Variants in SEMA3E observed in about 807,000 individuals in gnomAD.
The protein encoded by SEMA3E is semaphorin-3E.
SEMA3E carries 49 observed loss-of-function variants against 93.6 expected under a neutral mutation model. That is an observed-to-expected ratio of 0.52 (90% CI 0.42 to 0.66). SEMA3E has a LOEUF of 0.66. Ranked by LOEUF, SEMA3E falls within the 30% of genes least tolerant of loss-of-function variation. The probability of loss-of-function intolerance (pLI) is 0.00; values close to 1 mark genes in which losing one functional copy is unlikely to be tolerated. For synonymous variants in SEMA3E, 363 were observed against 330.7 expected (o/e 1.10, Z -1.06); for missense variants, 906 against 964.8 (o/e 0.94, Z 0.81).
chr7:83,503,594 C>T (rs1790638993), intron 1 of SEMA3E, among the ~76,000 whole-genome samples: 1 of 152,056 alleles, frequency 6.6e-6, no homozygotes, highest in African/African-American at 2.4e-5. Flanking sequence ...ATGGAGTGTA[C>T]TTACACCAAC....
chr7:83,383,469 A>G (rs1787820478), intron 16 of SEMA3E, among the ~76,000 whole-genome samples: 1 of 151,906 alleles, frequency 6.6e-6, no homozygotes, highest in African/African-American at 2.4e-5. Context: ...TAAAGTCAGA[A>G]TTTTGTGTTT....
Position 83,408,503 on chromosome 7 carries a change from A to T in SEMA3E, c.551-16T>A, listed in dbSNP as rs1354362265. On this transcript the variant is annotated splice_polypyrimidine_tract_variant and intron_variant, in intron 5 of 16. Transcript: ENST00000643230. ...AATTCACTACCTACACGGGAGCATC[A>T]GTAAAAAAGAAGTCAGTATTTGTTA... The T allele has an allele frequency of 1.2e-6, 2 of 1,613,222 alleles. No individual in the cohort carries two copies. The highest frequency in any genetic ancestry group is 1.7e-6 in the Non-Finnish European group (2 of 1,179,494).
intron 1 of SEMA3E, among the ~76,000 whole-genome samples, chr7:83,525,523 G>GT (rs1343446466): frequency 2.3e-5 from 3 of 129,772 alleles, no homozygotes; most frequent in Admixed American, 1.6e-4. Flanking sequence ...AGATTTTCTT[G>GT]TTTTCTCATG....
chr7:83,419,692 C>A (rs1281333244), intron 4 of SEMA3E, among the ~76,000 whole-genome samples: 1 of 152,046 alleles, frequency 6.6e-6, no homozygotes, highest in Non-Finnish European at 1.5e-5. Flanking sequence ...TGATATGGAG[C>A]ATTTTTTAAT....
chr7:83,608,076 G>C (rs997604448), intron 1 of SEMA3E, among the ~76,000 whole-genome samples: 2 of 152,008 alleles, frequency 1.3e-5, no homozygotes, highest in African/African-American at 4.8e-5. Flanking sequence ...GCTGGGCATG[G>C]TGACATGCAC....
intron 16 of SEMA3E, among the ~76,000 whole-genome samples, 167 bp from the exon 17 acceptor site, chr7:83,368,205 C>G (rs201916851): frequency 4.6e-5 from 4 of 87,480 alleles, no homozygotes; most frequent in African/African-American, 1.3e-4. Context: ...CTCTCTCTCT[C>G]TCTCTGTGTG....
chr7:83,571,510 T>C (rs1252088128), intron 1 of SEMA3E, among the ~76,000 whole-genome samples: 1 of 152,118 alleles, frequency 6.6e-6, no homozygotes, highest in East Asian at 1.9e-4. Flanking sequence ...AAGTCTTTGA[T>C]AAAATCCAAC....
chr7:83,533,586 TAAAATAAAATAAATG>T (rs1214588442), intron 1 of SEMA3E, among the ~76,000 whole-genome samples: 1 of 22,336 alleles, frequency 4.5e-5, no homozygotes, highest in African/African-American at 7.2e-5. Flanking sequence ...TAAAATAAAA[TAAAATAAAATAAATG>T]AAACAAGCAA....
chr7:83,420,612 G>A lies in SEMA3E; in HGVS notation c.457-2129C>T, dbSNP rs1788653657. Among the ~76,000 whole-genome samples the A allele has an allele frequency of 2.0e-5, 3 of 152,202 alleles. No individual in the cohort carries two copies. The South Asian group carries it at 6.2e-4, about 32-fold the overall frequency. ...CAGTAAGTATAACAGCTTGGTATTG[G>A]TACAAGAGCAGACACATAGACCAAT... On this transcript the variant is annotated intron_variant, in intron 4 of 16. Coordinates refer to ENST00000643230, the MANE Select transcript of SEMA3E (RefSeq NM_012431.3).
Position 83,469,183 on chromosome 7 carries a change from T to A in SEMA3E, c.336+60A>T, listed in dbSNP as rs146691218. 70 of 1,365,982 alleles carry A rather than the reference T, an allele frequency of 5.1e-5. 1 individual carries two copies. The East Asian group carries it at 1.6e-3, about 31-fold the overall frequency. 84.6% of individuals were successfully genotyped at this position (1,365,982 alleles called of 1,614,324 possible). On this transcript the variant is annotated intron_variant, in intron 3 of 16. Coordinates refer to ENST00000643230, the MANE Select transcript of SEMA3E (RefSeq NM_012431.3). ...AATAAAAATTTCAGTGATTCAGTTCTTTGTGGTTAACTAGGGATATAATTG... is the reference window on the plus strand; with the variant it reads ...AATAAAAATTTCAGTGATTCAGTTCATTGTGGTTAACTAGGGATATAATTG...
chr7:83,459,100 T>C (rs2115849790), intron 4 of SEMA3E, among the ~76,000 whole-genome samples: 1 of 151,642 alleles, frequency 6.6e-6, no homozygotes, highest in Non-Finnish European at 1.5e-5. Flanking sequence ...AGAATCTCAG[T>C]ATCCTAAGAA....
At chr7:83,374,295 A>T (rs188599320) in intron 16 of SEMA3E, among the ~76,000 whole-genome samples, 2 of 152,204 alleles carry the variant, frequency 1.3e-5, no homozygotes, top group African/African-American at 4.8e-5. Flanking sequence ...GACAAAACTT[A>T]GAAAACAAGA....
intron 1 of SEMA3E, among the ~76,000 whole-genome samples, chr7:83,584,698 T>C (rs1247792734): frequency 6.6e-6 from 1 of 152,134 alleles, no homozygotes; most frequent in Non-Finnish European, 1.5e-5. Context: ...TCCTGTAATA[T>C]TGACAATAGA....
chr7:83,383,975 A>T (rs183730863), intron 16 of SEMA3E, among the ~76,000 whole-genome samples: 27 of 152,098 alleles, frequency 1.8e-4, no homozygotes, highest in African/African-American at 6.5e-4. Flanking sequence ...TAAATCAACA[A>T]CTTAACTCAG....
intron 4 of SEMA3E, among the ~76,000 whole-genome samples, chr7:83,428,862 A>G (rs1367683265): frequency 6.6e-6 from 1 of 152,124 alleles, no homozygotes; most frequent in African/African-American, 2.4e-5. Flanking sequence ...AACAGGGTCA[A>G]TAATATTTTC....
At chr7:83,592,476 A>AC (rs5885367) in intron 1 of SEMA3E, among the ~76,000 whole-genome samples, 152,202 of 152,202 alleles carry the variant, frequency 1, 76,101 homozygotes, top group Non-Finnish European at 1. Flanking sequence ...TTTTCCACCT[A>AC]CCTCTACCAA....
Position 83,367,382 on chromosome 7 carries a change from A to G in SEMA3E, c.*204T>C. 5.2e-6 allele frequency: 3 copies of G among 580,502 alleles called. No individual in the cohort carries two copies. In the South Asian group the frequency reaches 6.5e-5, roughly 13 times the overall value. The allele number at this position is 580,502 out of a possible 1,614,324, so 36.0% of individuals were successfully genotyped here. A position where few individuals can be genotyped will look rare whatever the true frequency, so the allele number is the denominator to read the frequency against. On this transcript the variant is annotated 3_prime_UTR_variant, in exon 17 of 17. Transcript: ENST00000643230. ...ATAATGAGAAACCATTAAGCAATGC[A>G]TTTATTTAAAAAATTAGTTAATTTT...
rs138240682 is a variant in SEMA3E, at chr7:83,457,733, C to G, written c.456+8749G>C. ...ATGAATGTCTTGTCAATCAAATACT[C>G]TGTTCAAAACTCCATCGTCTCCGTG... On this transcript the variant is annotated intron_variant, in intron 4 of 16. Transcript: ENST00000643230. Among the ~76,000 whole-genome samples, 7 of 152,270 alleles carry G rather than the reference C, an allele frequency of 4.6e-5. No individual in the cohort carries two copies. The East Asian group carries it at 1.4e-3, about 29-fold the overall frequency.
At chr7:83,532,699 A>C (rs1791325626) in intron 1 of SEMA3E, among the ~76,000 whole-genome samples, 1 of 103,302 alleles carries the variant, frequency 9.7e-6, no homozygotes, top group African/African-American at 2.6e-5. Flanking sequence ...ACCAACCAAA[A>C]AAAAAGGGCA....
Sources: allele counts gnomAD v4.1 joint callset (sites outside exome capture counted in the v4.1 genomes callset), GRCh38; gene constraint gnomAD v4.1.1; transcripts MANE v1.5; gene names NCBI Gene and HGNC (gene_info 2026-07-23, HGNC 2026-07-21).